SPR: variants seen among roughly 807,000 people sequenced by gnomAD.
The protein encoded by SPR is Sepiapterin reductase (L-erythro-7,8-dihydrobiopterin forming).
Under a neutral mutation model 16.0 loss-of-function variants are expected in SPR, and 12 were observed. That is an observed-to-expected ratio of 0.75 (90% CI 0.48 to 1.22). SPR has a LOEUF of 1.22. Ranked by LOEUF, SPR falls within the 50% of genes most tolerant of loss-of-function variation. The probability of loss-of-function intolerance (pLI) is 0.00; values close to 1 mark genes in which losing one functional copy is unlikely to be tolerated. For synonymous variants in SPR, 177 were observed against 168.5 expected, an observed-to-expected ratio of 1.05 and a Z score of -0.39; for missense variants, 324 against 344.4, an observed-to-expected ratio of 0.94 and a Z score of 0.47.
chr2:72,891,195 C>T, intron 2 of SPR, 152 bp from the exon 3 acceptor site: 1 of 818,776 alleles, frequency 1.2e-6, no homozygotes, highest in South Asian at 1.5e-5. Flanking sequence ...AAATTGGAGC[C>T]TTTGGCAACC....
chr2:72,891,348 TC>T lies in SPR; in HGVS notation c.599del (p.Pro200LeufsTer26), dbSNP rs756820705. ...CATCGTCTCCTTTTCATCCTCTAGG[TC>T]CTCTGGACACAGACATGCAGCAGTT... is the stretch of plus-strand genomic sequence containing the variant. ...NVRVLNYAPG[P>X]LDTDMQQLAR... On this transcript the variant is annotated frameshift_variant and splice_region_variant, in exon 3 of 3. Coordinates refer to ENST00000234454, the MANE Select transcript of SPR (RefSeq NM_003124.5). LOFTEE classifies it high-confidence loss of function. 1 of 1,613,982 alleles carries T rather than the reference TC, an allele frequency of 6.2e-7. No homozygotes were observed. The highest frequency in any genetic ancestry group is 2.2e-5 in the East Asian group (1 of 44,864).
intron 2 of SPR, among the ~76,000 whole-genome samples, chr2:72,889,311 C>T (rs916512491): frequency 1.3e-5 from 2 of 152,178 alleles, no homozygotes; most frequent in Non-Finnish European, 2.9e-5. Flanking sequence ...GATGCCACAG[C>T]GCCCCTGTCT....
rs531149262 is a variant in SPR, at chr2:72,887,997, T to C, written c.304+261T>C. On this transcript the variant is annotated intron_variant, in intron 1 of 2. Coordinates refer to ENST00000234454, the MANE Select transcript of SPR (RefSeq NM_003124.5). The stretch of plus-strand genomic sequence containing the variant: ...TAGAACTTTCCCGAGCCCCTTGCTC[T>C]GCGCCCTCTGGCGGAGGCCTGAGTC... Among the ~76,000 whole-genome samples, 64 of 152,362 alleles carry C rather than the reference T, an allele frequency of 4.2e-4. 1 individual carries two copies. Among genetic ancestry groups the C allele is most frequent in the African/African-American group, 1.3e-3 (56 of 41,594 alleles).
chr2:72,891,744 G>A lies in SPR; in HGVS notation c.*207G>A. On this transcript the variant is annotated 3_prime_UTR_variant, in exon 3 of 3. Transcript: ENST00000234454. ...GTCAGGAGTCTGTGCTGTGCACCCT[G>A]GGTTATAAGGAGGCTTAGGAGAGAG... is the stretch of plus-strand genomic sequence containing the variant. 1.6e-6 allele frequency: 1 copy of A among 630,664 alleles called. No individual in the cohort carries two copies. Among genetic ancestry groups the A allele is most frequent in the East Asian group, 2.8e-5 (1 of 36,042 alleles). 39.1% of individuals were successfully genotyped at this position (630,664 alleles called of 1,614,324 possible). A position where few individuals can be genotyped will look rare whatever the true frequency, so the allele number is the denominator to read the frequency against.
At chr2:72,887,890 A>C (rs1670565911) in intron 1 of SPR, among the ~76,000 whole-genome samples, 154 bp downstream of exon 1, 1 of 152,198 alleles carries the variant, frequency 6.6e-6, no homozygotes, top group South Asian at 2.1e-4. Context: ...GGCGAGGTGT[A>C]CAGGAAGACT....
Position 72,888,403 on chromosome 2 carries a change from C to T in SPR, c.394C>T (p.Leu132Phe), listed in dbSNP as rs1241762212. The T allele has an allele frequency of 1.9e-6, 3 of 1,614,098 alleles. No homozygotes were observed. In the Admixed American group the frequency reaches 5.0e-5, roughly 27 times the overall value. Residue 132 changes from leucine (L) to phenylalanine (F), a missense_variant, in exon 2 of 3, where the codon CTC becomes TTC. Coordinates refer to ENST00000234454, the MANE Select transcript of SPR (RefSeq NM_003124.5). ...NYWALNLTSM[L>F]CLTSSVLKAF... ...CTGGGCACTGAACTTGACCTCCATG[C>T]TCTGCCTGACTTCCAGCGTCCTGAA...
intron 2 of SPR, among the ~76,000 whole-genome samples, chr2:72,889,649 C>T (rs986353714): frequency 6.6e-6 from 1 of 151,884 alleles, no homozygotes; most frequent in African/African-American, 2.4e-5. Flanking sequence ...AGGATTCGCA[C>T]AAACAACAGT....
chr2:72,891,495 C>T lies in SPR; in HGVS notation c.744C>T (p.Asp248=), dbSNP rs146392372. ...AACTGCTGAGCTTACTGGAAAAGGA[C>T]GAGTTCAAGTCTGGAGCCCACGTGG... ...AQKLLSLLEK[D]EFKSGAHVDF... The change falls in exon 3 of 3, where the codon GAC becomes GAT. Residue 248 remains aspartate (D), a synonymous_variant. Coordinates refer to ENST00000234454, the MANE Select transcript of SPR (RefSeq NM_003124.5). 84 of 1,614,218 alleles carry T rather than the reference C, an allele frequency of 5.2e-5. No homozygotes were observed. In the African/African-American group the frequency reaches 9.6e-4, roughly 18 times the overall value.
At position 72,891,617 on chromosome 2, in the gene SPR, C is replaced by T; in HGVS notation, c.*80C>T. On this transcript the variant is annotated 3_prime_UTR_variant, in exon 3 of 3. Transcript: ENST00000234454. ...GAGCCCTGTGGCTCCCCACACCCTG[C>T]CATAGGGGCAGTCCTGCCTTACACA... 1 of 1,517,146 alleles carries T rather than the reference C, an allele frequency of 6.6e-7. No homozygotes were observed. Among genetic ancestry groups the T allele is most frequent in the Non-Finnish European group, 9.1e-7 (1 of 1,102,076 alleles). 94.0% of individuals were successfully genotyped at this position (1,517,146 alleles called of 1,614,324 possible). A position where few individuals can be genotyped will look rare whatever the true frequency, so the allele number is the denominator to read the frequency against.
Sources: allele counts gnomAD v4.1 joint callset (sites outside exome capture counted in the v4.1 genomes callset), GRCh38; gene constraint gnomAD v4.1.1; transcripts MANE v1.5; gene names NCBI Gene and HGNC (gene_info 2026-07-23, HGNC 2026-07-21).